ANKS1B: variants seen among roughly 807,000 people sequenced by gnomAD.
ANKS1B encodes ankyrin repeat and sterile alpha motif domain containing 1B.
A neutral mutation model predicts 148.3 loss-of-function variants in ANKS1B; 36 were observed. The observed-to-expected ratio is 0.24, with a 90% confidence interval of 0.19 to 0.32. The LOEUF is 0.32. Ranked by LOEUF, ANKS1B falls within the 10% of genes least tolerant of loss-of-function variation. ANKS1B has a pLI of 1.00. For missense variants in ANKS1B, 1,157 were observed against 1,542.6 expected (o/e 0.75, Z 4.19); for synonymous variants, 542 against 560.8 (o/e 0.97, Z 0.47).
At chr12:99,154,772 C>T (rs1223446822) in intron 14 of ANKS1B, 5 of 1,446,312 alleles carry the variant, frequency 3.5e-6, no homozygotes, top group South Asian at 3.0e-5. Flanking sequence ...AATGCACGGC[C>T]GGCAGCCAGA....
At position 99,960,701 on chromosome 12, in the gene ANKS1B, G is replaced by A. The variant is rs139662332; in HGVS notation, c.134+23403C>T. On this transcript the variant is annotated intron_variant, in intron 1 of 26. Coordinates refer to ENST00000683438, the MANE Select transcript of ANKS1B (RefSeq NM_001352186.2). ...GGCCCTTAGTCAACTAAGGGTTTGC[G>A]AAAATTTTCCAAATGGGTTCCTCGC... 2.0e-3 allele frequency among the ~76,000 whole-genome samples: 305 copies of A among 152,214 alleles called. 1 individual carries two copies. Among genetic ancestry groups the A allele is most frequent in the Middle Eastern group, 6.8e-3 (2 of 294 alleles).
intron 14 of ANKS1B, among the ~76,000 whole-genome samples, chr12:99,176,469 G>A (rs1201033264): frequency 6.6e-6 from 1 of 152,066 alleles, no homozygotes; most frequent in South Asian, 2.1e-4. Context: ...CCTTGATTCA[G>A]AACCATTTCA....
chr12:99,254,256 A>C (rs2074995183), intron 12 of ANKS1B, among the ~76,000 whole-genome samples: 1 of 152,222 alleles, frequency 6.6e-6, no homozygotes, highest in South Asian at 2.1e-4. Context: ...GAACATATAC[A>C]CTAAATTAGT....
At chr12:99,850,281 G>GTCTCTCCCTCTCTCTCTCCCTCTCTC (rs57015094) in intron 1 of ANKS1B, among the ~76,000 whole-genome samples, 1 of 114,206 alleles carries the variant, frequency 8.8e-6, no homozygotes, top group African/African-American at 3.6e-5. Context: ...AAGCAAGAAA[G>GTCTCTCCCTCTCTCTCTCCCTCTCTC]TCTCTCTCTC....
chr12:98,894,571 G>A, intron 17 of ANKS1B: 1 of 985,164 alleles, frequency 1.0e-6, no homozygotes, highest in African/African-American at 1.7e-5. Flanking sequence ...CCACTTCTTG[G>A]AGCCACGTCT....
chr12:98,783,532 T>A (rs1230905939), intron 22 of ANKS1B, among the ~76,000 whole-genome samples: 1 of 152,182 alleles, frequency 6.6e-6, no homozygotes, highest in Non-Finnish European at 1.5e-5. Context: ...ACAGCCTTAT[T>A]TTGCTTGACA....
chr12:98,768,512 A>C (rs1280340987), intron 25 of ANKS1B, among the ~76,000 whole-genome samples: 5 of 146,170 alleles, frequency 3.4e-5, no homozygotes, highest in African/African-American at 1.3e-4. Flanking sequence ...AGGCGGGCGG[A>C]TCACAAGGTC....
At position 99,157,905 on chromosome 12, in the gene ANKS1B, A is replaced by G. The variant is rs79821486; in HGVS notation, c.2420-3510T>C. On this transcript the variant is annotated intron_variant, in intron 14 of 26. Coordinates refer to ENST00000683438, the MANE Select transcript of ANKS1B (RefSeq NM_001352186.2). ...TATAAGAACACAACTCAGAGAAAATACTGGTTATGAACTACTTTACAAAAT... is the reference window on the plus strand; with the variant it reads ...TATAAGAACACAACTCAGAGAAAATGCTGGTTATGAACTACTTTACAAAAT... 7.8e-3 allele frequency among the ~76,000 whole-genome samples: 1,193 copies of G among 152,306 alleles called. 16 individuals carry two copies. Among genetic ancestry groups the G allele is most frequent in the African/African-American group, 0.027 (1,113 of 41,566 alleles).
At chr12:98,987,137 A>G (rs2153250770) in intron 17 of ANKS1B, among the ~76,000 whole-genome samples, 1 of 152,116 alleles carries the variant, frequency 6.6e-6, no homozygotes, top group Non-Finnish European at 1.5e-5. Flanking sequence ...AAATGGATAC[A>G]CATGTTTTTG....
At chr12:99,259,554 T>C (rs934890674) in intron 12 of ANKS1B, among the ~76,000 whole-genome samples, 2 of 152,218 alleles carry the variant, frequency 1.3e-5, no homozygotes, top group Non-Finnish European at 1.5e-5. Flanking sequence ...CTTGTTCCCT[T>C]TGCTCAATAC....
chr12:98,764,475 G>A (rs1299296005), intron 25 of ANKS1B, among the ~76,000 whole-genome samples: 1 of 152,100 alleles, frequency 6.6e-6, no homozygotes, highest in African/African-American at 2.4e-5. Flanking sequence ...TGATCCGCCC[G>A]CCTCAGCCTC....
At chr12:99,353,706 C>T (rs1482370819) in intron 12 of ANKS1B, among the ~76,000 whole-genome samples, 1 of 151,914 alleles carries the variant, frequency 6.6e-6, no homozygotes. Context: ...AGATCATGTC[C>T]CATCCATTTC....
At chr12:99,165,844 T>TTAG (rs1378305734) in intron 14 of ANKS1B, among the ~76,000 whole-genome samples, 2 of 151,894 alleles carry the variant, frequency 1.3e-5, no homozygotes, top group African/African-American at 4.8e-5. Flanking sequence ...ACTATATGTA[T>TTAG]TAGTGTCTGT....
At chr12:99,306,832 GA>G (rs960330976) in intron 12 of ANKS1B, among the ~76,000 whole-genome samples, 20 of 151,770 alleles carry the variant, frequency 1.3e-4, no homozygotes, top group African/African-American at 4.8e-4. Flanking sequence ...TTATACAGTT[GA>G]TTTTTTTAAC....
intron 19 of ANKS1B, among the ~76,000 whole-genome samples, chr12:98,814,132 G>A (rs950953400): frequency 6.6e-5 from 10 of 151,766 alleles, no homozygotes; most frequent in Admixed American, 2.6e-4. Flanking sequence ...TGCCTGCCTC[G>A]GCCTCCCAAA....
chr12:99,324,815 T>A (rs2085999273), intron 12 of ANKS1B, among the ~76,000 whole-genome samples: 1 of 152,130 alleles, frequency 6.6e-6, no homozygotes, highest in Non-Finnish European at 1.5e-5. Context: ...AAAAGAAATA[T>A]CAGGCACAGA....
chr12:99,230,245 C>G (rs1333830703), intron 14 of ANKS1B, among the ~76,000 whole-genome samples: 1 of 151,894 alleles, frequency 6.6e-6, no homozygotes, highest in Non-Finnish European at 1.5e-5. Flanking sequence ...TACTTTTGAC[C>G]CAACAAAATA....
intron 1 of ANKS1B, among the ~76,000 whole-genome samples, chr12:99,930,395 T>C (rs1244854268): frequency 6.6e-6 from 1 of 152,226 alleles, no homozygotes; most frequent in South Asian, 2.1e-4. Flanking sequence ...GAGGAGATTT[T>C]GGGCTGAGAC....
chr12:98,992,857 G>A (rs374044325), intron 17 of ANKS1B, among the ~76,000 whole-genome samples: 1 of 152,108 alleles, frequency 6.6e-6, no homozygotes, highest in Admixed American at 6.6e-5. Flanking sequence ...TAGAATGAAA[G>A]CTCCACGAGC....
Sources: gnomAD v4.1 joint callset for allele counts (sites outside exome capture counted in the v4.1 genomes callset) on GRCh38, gnomAD v4.1.1 for gene constraint, MANE v1.5 for transcripts, NCBI Gene and HGNC (gene_info 2026-07-23, HGNC 2026-07-21) for gene names.